Variants in NFATC2 observed in about 807,000 individuals in gnomAD.
The protein encoded by NFATC2 is nuclear factor of activated T cells 2.
NFATC2 carries 22 observed loss-of-function variants against 87.3 expected under a neutral mutation model. The observed-to-expected ratio is 0.25, with a 90% CI of 0.18 to 0.36. NFATC2 has a LOEUF of 0.36. NFATC2 is among the 10% of genes least tolerant of loss of function. The probability of loss-of-function intolerance (pLI) is 1.00; values close to 1 mark genes in which losing one functional copy is unlikely to be tolerated. For synonymous variants in NFATC2, 565 were observed against 542.2 expected, an observed-to-expected ratio of 1.04 and a Z score of -0.58; for missense variants, 1,149 against 1,259.1, an observed-to-expected ratio of 0.91 and a Z score of 1.32.
chr20:51,541,506 T>C (rs1017290169), intron 1 of NFATC2, among the ~76,000 whole-genome samples: 17 of 152,276 alleles, frequency 1.1e-4, no homozygotes, highest in East Asian at 3.9e-4. Context: ...CAGATAAGCA[T>C]TGGGCCCAGC....
intron 1 of NFATC2, among the ~76,000 whole-genome samples, chr20:51,533,461 G>A (rs184604051): frequency 9.1e-4 from 139 of 152,328 alleles, no homozygotes; most frequent in Admixed American, 2.1e-3. Flanking sequence ...CACACCCTTC[G>A]TTCGGAGGTG....
intron 1 of NFATC2, among the ~76,000 whole-genome samples, chr20:51,553,621 A>G (rs2076952757): frequency 6.9e-6 from 1 of 145,738 alleles, no homozygotes. Flanking sequence ...GCTTGCAGTG[A>G]GCCGAGATCA....
Position 51,542,519 on chromosome 20 carries a change from C to G in NFATC2, c.-20G>C. ...GTTCATGGCGCGCAGGGCGGGAAGG[C>G]TGCGGGGCCGGGGGCGAGGGCGGGC... is the stretch of plus-strand genomic sequence containing the variant. On this transcript the variant is annotated 5_prime_UTR_variant, in exon 1 of 11. Coordinates refer to ENST00000371564, the MANE Select transcript of NFATC2 (RefSeq NM_012340.5). 2 of 1,410,570 alleles carry G rather than the reference C, an allele frequency of 1.4e-6. No individual in the cohort carries two copies. Among genetic ancestry groups the G allele is most frequent in the South Asian group, 3.3e-5 (2 of 60,406 alleles). 87.4% of individuals were successfully genotyped at this position (1,410,570 alleles called of 1,614,324 possible). A position where few individuals can be genotyped will look rare whatever the true frequency, so the allele number is the denominator to read the frequency against.
chr20:51,426,852 T>C (rs1200320644), intron 9 of NFATC2, among the ~76,000 whole-genome samples: 1 of 136,460 alleles, frequency 7.3e-6, no homozygotes, highest in Non-Finnish European at 1.7e-5. Context: ...GGTGGCCCGC[T>C]TGTGAAATAT....
At chr20:51,456,912 T>A (rs139108322) in intron 5 of NFATC2, among the ~76,000 whole-genome samples, 94 of 152,280 alleles carry the variant, frequency 6.2e-4, no homozygotes, top group African/African-American at 2.2e-3. Flanking sequence ...GCCAGAGGCT[T>A]CCAGACACTC....
intron 6 of NFATC2, among the ~76,000 whole-genome samples, chr20:51,440,453 G>A (rs540657771): frequency 5.6e-4 from 85 of 152,232 alleles, no homozygotes; most frequent in African/African-American, 2.0e-3. Context: ...ACAGGTTTGG[G>A]CTGGAGGGAA....
At chr20:51,537,672 C>T (rs1436437152) in intron 1 of NFATC2, among the ~76,000 whole-genome samples, 3 of 152,126 alleles carry the variant, frequency 2.0e-5, no homozygotes, top group South Asian at 4.1e-4. Context: ...AATAAGAGTC[C>T]ATTGTATTCA....
chr20:51,533,257 A>C (rs1475327102), intron 1 of NFATC2, among the ~76,000 whole-genome samples: 2 of 152,238 alleles, frequency 1.3e-5, no homozygotes, highest in Admixed American at 1.3e-4. Flanking sequence ...GCAGGTGTGC[A>C]CAACCTAGAG....
At chr20:51,402,656 C>CCAAA (rs1252534747) in intron 9 of NFATC2, among the ~76,000 whole-genome samples, 1 of 152,196 alleles carries the variant, frequency 6.6e-6, no homozygotes, top group African/African-American at 2.4e-5. Flanking sequence ...GAGGAATTAA[C>CCAAA]CAAACATTTC....
intron 1 of NFATC2, among the ~76,000 whole-genome samples, chr20:51,549,451 T>A (rs6021282): frequency 0.18 from 28,121 of 152,180 alleles, 2,971 homozygotes; most frequent in Middle Eastern, 0.26. Context: ...TTGAGTTCTT[T>A]ACAACAAGAC....
rs1986012052 is a variant in NFATC2 at position 51,388,584 on chromosome 20, A to G, written c.*2912T>C. Reference sequence around the variant, plus strand: ...ATTTATAAATATAAATCTAATTCCAACAGGGGTGTAATATTTTGAGGACAG... The same window carrying G: ...ATTTATAAATATAAATCTAATTCCAGCAGGGGTGTAATATTTTGAGGACAG... On this transcript the variant is annotated 3_prime_UTR_variant, in exon 11 of 11. Transcript: ENST00000371564. 6.6e-6 allele frequency: 1 copy of G among 152,192 alleles called. No individual in the cohort carries two copies. Among genetic ancestry groups the G allele is most frequent in the South Asian group, 2.1e-4 (1 of 4,830 alleles). 9.4% of individuals were successfully genotyped at this position (152,192 alleles called of 1,614,324 possible).
At chr20:51,551,695 TGA>T (rs369399711) in intron 1 of NFATC2, among the ~76,000 whole-genome samples, 113,532 of 151,852 alleles carry the variant, frequency 0.75, 43,898 homozygotes, top group East Asian at 1. Flanking sequence ...AGTTTTGGCA[TGA>T]TAAGCCAAAA....
At chr20:51,528,085 CAAAAAAAA>C (rs56201141) in intron 1 of NFATC2, among the ~76,000 whole-genome samples, 2 of 94,248 alleles carry the variant, frequency 2.1e-5, no homozygotes, top group African/African-American at 3.7e-5. Flanking sequence ...GAACCTGTCC[CAAAAAAAA>C]AAAAAAAAAA....
intron 9 of NFATC2, among the ~76,000 whole-genome samples, chr20:51,409,948 C>T (rs541028060): frequency 5.3e-5 from 8 of 152,322 alleles, no homozygotes; most frequent in South Asian, 2.1e-4. Flanking sequence ...CAGTGGCTCA[C>T]GCCTGTAATC....
chr20:51,451,017 G>A (rs148051239), intron 6 of NFATC2, among the ~76,000 whole-genome samples: 4 of 152,292 alleles, frequency 2.6e-5, no homozygotes, highest in East Asian at 1.9e-4. Flanking sequence ...TCCTAACTCC[G>A]TAAGGAACTT....
intron 1 of NFATC2, among the ~76,000 whole-genome samples, chr20:51,537,082 A>G (rs1191365798): frequency 6.6e-6 from 1 of 152,028 alleles, no homozygotes; most frequent in Non-Finnish European, 1.5e-5. Context: ...TGCTGAAAGA[A>G]TGGGGTTTTA....
chr20:51,416,367 C>T (rs1046310373), intron 9 of NFATC2, among the ~76,000 whole-genome samples: 8 of 152,212 alleles, frequency 5.3e-5, no homozygotes, highest in Non-Finnish European at 7.3e-5. Flanking sequence ...GAGGACCTGC[C>T]GGCTCTGCCT....
intron 5 of NFATC2, among the ~76,000 whole-genome samples, chr20:51,472,886 G>A (rs1415584474): frequency 6.6e-6 from 1 of 152,108 alleles, no homozygotes; most frequent in East Asian, 1.9e-4. Context: ...CCACCAAAGT[G>A]CTGGGATTAC....
At position 51,391,338 on chromosome 20, in the gene NFATC2, G is replaced by A. The variant is rs376984587; in HGVS notation, c.*158C>T. The A allele has an allele frequency of 1.9e-6, 3 of 1,541,972 alleles. No homozygotes were observed. The highest frequency in any genetic ancestry group is 2.7e-5 in the African/African-American group (2 of 73,116). On this transcript the variant is annotated 3_prime_UTR_variant, in exon 11 of 11. Coordinates refer to ENST00000371564, the MANE Select transcript of NFATC2 (RefSeq NM_012340.5). ...ACATGAAAGGAGACAGAAGGTGAGG[G>A]GCTGTGGAGGGCTCCGAGGGGTCAG...
Sources: gnomAD v4.1 joint callset for allele counts (sites outside exome capture counted in the v4.1 genomes callset) on GRCh38, gnomAD v4.1.1 for gene constraint, MANE v1.5 for transcripts, NCBI Gene and HGNC (gene_info 2026-07-23, HGNC 2026-07-21) for gene names.